Variants in UGT1A6 observed in about 807,000 individuals in gnomAD.
UGT1A6 encodes the protein UDP glucuronosyltransferase family 1 member A6.
Under a neutral mutation model 44.4 loss-of-function variants are expected in UGT1A6, and 32 were observed. The observed-to-expected ratio is 0.72, with a 90% CI of 0.54 to 0.97. The LOEUF is 0.97. UGT1A6 is among the 50% of genes least tolerant of loss of function. The pLI, the probability that UGT1A6 is intolerant of heterozygous loss-of-function variation, is 0.00. For missense variants in UGT1A6, 685 were observed against 661.9 expected (o/e 1.03, Z -0.38); for synonymous variants, 238 against 248.5 (o/e 0.96, Z 0.40).
intron 1 of UGT1A6, among the ~76,000 whole-genome samples, chr2:233,705,638 G>A (rs2075862105): frequency 6.6e-6 from 1 of 152,200 alleles, no homozygotes; most frequent in African/African-American, 2.4e-5. Flanking sequence ...GTTCTAGGAA[G>A]TTGAAGGTCT....
chr2:233,760,363 C>A lies in UGT1A6; in HGVS notation c.862-6671C>A, dbSNP rs1400895192. On this transcript the variant is annotated intron_variant, in intron 1 of 4. Transcript: ENST00000305139. ...GTGTGTGCTGGGCCCAGTGGTGTCC[C>A]ATGCTGGGAAGATACTGTTGATCCC... is the stretch of plus-strand genomic sequence containing the variant. 5.0e-6 allele frequency: 8 copies of A among 1,614,118 alleles called. No homozygotes were observed. In the East Asian group the frequency reaches 1.8e-4, roughly 36 times the overall value.
chr2:233,713,186 G>A (rs760031954), intron 1 of UGT1A6: 1 of 1,614,224 alleles, frequency 6.2e-7, no homozygotes, highest in South Asian at 1.1e-5. Context: ...CCCTGGAGGT[G>A]AATATGTACA....
At chr2:233,750,699 C>T (rs1694542281) in intron 1 of UGT1A6, 1 of 151,888 alleles carries the variant, frequency 6.6e-6, no homozygotes, top group South Asian at 2.1e-4. Context: ...TAAAAGAGGC[C>T]AAGGTAGAGC....
chr2:233,711,112 C>A (rs568461565), intron 1 of UGT1A6, among the ~76,000 whole-genome samples: 2 of 152,346 alleles, frequency 1.3e-5, no homozygotes, highest in South Asian at 4.1e-4. Flanking sequence ...GACCCCTCCT[C>A]ATCTCCAGAC....
At chr2:233,700,667 C>G (rs1209326436) in intron 1 of UGT1A6, among the ~76,000 whole-genome samples, 1 of 152,052 alleles carries the variant, frequency 6.6e-6, no homozygotes, top group Non-Finnish European at 1.5e-5. Context: ...TACTTTTCAG[C>G]ACAAATTCGT....
intron 1 of UGT1A6, among the ~76,000 whole-genome samples, chr2:233,710,240 AC>A (rs2076122000): frequency 6.6e-6 from 1 of 152,210 alleles, no homozygotes; most frequent in Middle Eastern, 3.2e-3. Flanking sequence ...CTATTCGAGT[AC>A]GAGTGTTTCT....
rs747443609 is a variant in UGT1A6 at position 233,768,266 on chromosome 2, T to C, written c.1128T>C (p.Gly376=). 6.8e-6 allele frequency: 11 copies of C among 1,614,024 alleles called. No individual in the cohort carries two copies. Among genetic ancestry groups the C allele is most frequent in the Non-Finnish European group, 9.3e-6 (11 of 1,180,038 alleles). ...TTATCACCCATGCTGGTTCCCATGG[T>C]GTTTATGAAAGCATATGCAATGGCG... is the stretch of plus-strand genomic sequence containing the variant. The part of the protein sequence containing the change: ...RAFITHAGSH[G]VYESICNGVP... The change falls in exon 4 of 5, where the codon GGT becomes GGC. Residue 376 remains glycine, a synonymous_variant. Coordinates refer to ENST00000305139, the MANE Select transcript of UGT1A6 (RefSeq NM_001072.4).
chr2:233,739,008 T>C (rs1430369611), intron 1 of UGT1A6: 2 of 152,268 alleles, frequency 1.3e-5, no homozygotes, highest in Admixed American at 6.5e-5. Context: ...TGTGTCCCAG[T>C]GGCTCCAGCC....
chr2:233,755,098 C>G (rs1292458921), intron 1 of UGT1A6: 1 of 1,334,792 alleles, frequency 7.5e-7, no homozygotes, highest in Non-Finnish European at 1.0e-6. Flanking sequence ...TTCTACGCGT[C>G]CGACAACACC....
In UGT1A6 at chr2:233,693,691, T is replaced by C. The variant is rs755873387; in HGVS notation, c.687T>C (p.Tyr229=). 25 of 1,614,244 alleles carry C rather than the reference T, an allele frequency of 1.5e-5. No individual in the cohort carries two copies. Among genetic ancestry groups the C allele is most frequent in the Non-Finnish European group, 2.0e-5 (24 of 1,180,040 alleles). Reference sequence around the variant, plus strand: ...TATTTTATTGTCTGTTTTCAAAGTATGAAGAACTCGCATCAGCTGTCCTCA... The same window carrying C: ...TATTTTATTGTCTGTTTTCAAAGTACGAAGAACTCGCATCAGCTGTCCTCA... ...PYLFYCLFSK[Y]EELASAVLKR... The change falls in exon 1 of 5, where the codon TAT becomes TAC. Residue 229 remains tyrosine (Y), a synonymous_variant. Transcript: ENST00000305139.
At chr2:233,719,126 A>C (rs771877893) in intron 1 of UGT1A6, 16 of 1,614,152 alleles carry the variant, frequency 9.9e-6, no homozygotes, top group Non-Finnish European at 1.4e-5. Context: ...GGTTCTTTGA[A>C]ACAGAACATC....
chr2:233,707,649 C>A (rs1214611953), intron 1 of UGT1A6, among the ~76,000 whole-genome samples: 1 of 151,494 alleles, frequency 6.6e-6, no homozygotes, highest in African/African-American at 2.4e-5. Context: ...TATGAATACA[C>A]CACAATTTTA....
chr2:233,709,152 T>G (rs78253521), intron 1 of UGT1A6, among the ~76,000 whole-genome samples: 3,273 of 152,190 alleles, frequency 0.022, 115 homozygotes, highest in African/African-American at 0.075. Context: ...TGCTGATTGG[T>G]TGAGGCCTAG....
At position 233,767,184 on chromosome 2, in the gene UGT1A6, A is replaced by T. The variant is rs1373599662; in HGVS notation, c.993+19A>T. 3.7e-6 allele frequency: 6 copies of T among 1,613,882 alleles called. No individual in the cohort carries two copies. Among genetic ancestry groups the T allele is most frequent in the Non-Finnish European group, 5.1e-6 (6 of 1,179,970 alleles). ...TCAGACAGTAAGAAGATTCTATACCATGGCCTCATATCTATTTTCACAGGA... is the reference window on the plus strand; with the variant it reads ...TCAGACAGTAAGAAGATTCTATACCTTGGCCTCATATCTATTTTCACAGGA... On this transcript the variant is annotated intron_variant, in intron 2 of 4. Coordinates refer to ENST00000305139, the MANE Select transcript of UGT1A6 (RefSeq NM_001072.4).
At chr2:233,714,647 C>A (rs886443122) in intron 1 of UGT1A6, among the ~76,000 whole-genome samples, 1 of 152,174 alleles carries the variant, frequency 6.6e-6, no homozygotes, top group African/African-American at 2.4e-5. Flanking sequence ...GTGAATAATG[C>A]ATTTTATTTA....
At chr2:233,697,433 C>A (rs1039181362) in intron 1 of UGT1A6, among the ~76,000 whole-genome samples, 9 of 150,656 alleles carry the variant, frequency 6.0e-5, no homozygotes, top group African/African-American at 2.2e-4. Flanking sequence ...TTTCCTTTTT[C>A]ATTTCTGATT....
intron 3 of UGT1A6, 134 bp from the exon 4 acceptor site, chr2:233,768,086 A>C (rs1699559906): frequency 6.3e-7 from 1 of 1,591,310 alleles, no homozygotes; most frequent in Non-Finnish European, 8.6e-7. Context: ...ATCTCAACCC[A>C]CATTTTCTTC....
At chr2:233,708,804 C>G (rs1422792473) in intron 1 of UGT1A6, 1 of 151,436 alleles carries the variant, frequency 6.6e-6, no homozygotes, top group Non-Finnish European at 1.5e-5. Context: ...ATTTGGGCAA[C>G]TTCCCCAAAT....
chr2:233,771,399 T>C (rs972051776), intron 4 of UGT1A6: 1 of 152,180 alleles, frequency 6.6e-6, no homozygotes, highest in African/African-American at 2.4e-5. Flanking sequence ...GATTGGGCAA[T>C]GAACACTGTC....
Sources: allele counts gnomAD v4.1 joint callset (sites outside exome capture counted in the v4.1 genomes callset), GRCh38; gene constraint gnomAD v4.1.1; transcripts MANE v1.5; gene names NCBI Gene and HGNC (gene_info 2026-07-23, HGNC 2026-07-21).